The following ARL15 variants were observed in gnomAD, a reference collection of about 807,000 sequenced individuals.
ARL15 encodes ADP-ribosylation factor-like protein 15.
In ARL15, 19 loss-of-function variants were observed where a neutral mutation model predicts 25.2. That is an observed-to-expected ratio of 0.75 (90% CI 0.53 to 1.10). ARL15 has a LOEUF of 1.10. Among genes scored for constraint, ARL15 ranks in the 50% least tolerant of loss-of-function variants. The probability of loss-of-function intolerance (pLI) is 0.00; values close to 1 mark genes in which losing one functional copy is unlikely to be tolerated. For missense variants in ARL15, 220 were observed against 246.0 expected (o/e 0.89, Z 0.71); for synonymous variants, 94 against 86.8 (o/e 1.08, Z -0.46).
intron 1 of ARL15, among the ~76,000 whole-genome samples, chr5:54,305,226 A>T (rs957721948): frequency 6.6e-6 from 1 of 152,180 alleles, no homozygotes; most frequent in Non-Finnish European, 1.5e-5. Context: ...CTGGCAGGGC[A>T]CGGTGGCTCA....
In ARL15 at chr5:54,128,402, A is replaced by G. The variant is rs143160947; in HGVS notation, c.254-14992T>C. On this transcript the variant is annotated intron_variant, in intron 3 of 4. Coordinates refer to ENST00000504924, the MANE Select transcript of ARL15 (RefSeq NM_019087.3). ...ATTTTTCTGGATATTTTAGGTAGCT[A>G]ATATAGGAATCAACATATAATCTTC... 6.7e-3 allele frequency among the ~76,000 whole-genome samples: 1,016 copies of G among 152,292 alleles called. 3 individuals are homozygous for G. The highest frequency in any genetic ancestry group is 0.011 in the Non-Finnish European group (755 of 68,018).
At chr5:54,277,489 T>C (rs1016022534) in intron 1 of ARL15, among the ~76,000 whole-genome samples, 4 of 152,162 alleles carry the variant, frequency 2.6e-5, no homozygotes, top group African/African-American at 7.2e-5. Context: ...TGGTGGCTCA[T>C]GCCTGTAATC....
At chr5:54,163,001 G>T (rs1205621467) in intron 2 of ARL15, among the ~76,000 whole-genome samples, 2 of 152,136 alleles carry the variant, frequency 1.3e-5, no homozygotes, top group Non-Finnish European at 2.9e-5. Context: ...AAACAATTCA[G>T]TCTTTCTCCA....
intron 4 of ARL15, among the ~76,000 whole-genome samples, chr5:53,981,634 T>G (rs1480527513): frequency 6.6e-6 from 1 of 152,130 alleles, no homozygotes; most frequent in Non-Finnish European, 1.5e-5. Flanking sequence ...AGTAGCTCAC[T>G]CCTATAATCC....
chr5:54,193,725 AT>A (rs71600810), intron 1 of ARL15, among the ~76,000 whole-genome samples: 1,458 of 77,454 alleles, frequency 0.019, 6 homozygotes, highest in South Asian at 0.031. Flanking sequence ...TAAAGCCTTC[AT>A]TTTTTTTTTT....
chr5:54,191,223 A>G (rs1441465071), intron 1 of ARL15, among the ~76,000 whole-genome samples: 2 of 152,162 alleles, frequency 1.3e-5, no homozygotes, highest in East Asian at 1.9e-4. Context: ...AAAAAGACAA[A>G]CACAGTTTGA....
chr5:54,193,239 A>C (rs779956999), intron 1 of ARL15, among the ~76,000 whole-genome samples: 6 of 152,100 alleles, frequency 3.9e-5, no homozygotes, highest in Non-Finnish European at 5.9e-5. Flanking sequence ...GCATCATCCA[A>C]TCCATCATCC....
chr5:54,088,233 A>C (rs1342706906), intron 4 of ARL15, among the ~76,000 whole-genome samples: 5 of 152,338 alleles, frequency 3.3e-5, no homozygotes, highest in Admixed American at 1.3e-4. Context: ...GGGAATTGTC[A>C]GGACAAAGAT....
chr5:53,925,919 T>C (rs1215213483), intron 4 of ARL15, among the ~76,000 whole-genome samples: 1 of 152,048 alleles, frequency 6.6e-6, no homozygotes, highest in South Asian at 2.1e-4. Flanking sequence ...ATAGGAGGGA[T>C]TCTCTGACTG....
chr5:54,158,798 G>A (rs192499226), intron 2 of ARL15, among the ~76,000 whole-genome samples: 16 of 152,254 alleles, frequency 1.1e-4, no homozygotes, highest in Admixed American at 3.9e-4. Flanking sequence ...GCTTGAACCC[G>A]GGAGGCAGAG....
chr5:53,944,828 G>A (rs2112096417), intron 4 of ARL15, among the ~76,000 whole-genome samples: 1 of 152,166 alleles, frequency 6.6e-6, no homozygotes, highest in African/African-American at 2.4e-5. Context: ...AAAGTGTCTG[G>A]CACATATAAT....
chr5:53,990,565 C>T (rs559965356), intron 4 of ARL15, among the ~76,000 whole-genome samples: 29 of 152,312 alleles, frequency 1.9e-4, no homozygotes, highest in Admixed American at 5.2e-4. Flanking sequence ...AAGCTTGGTG[C>T]GTTCAAAGAG....
intron 4 of ARL15, among the ~76,000 whole-genome samples, chr5:54,101,230 G>T (rs1350412428): frequency 6.6e-6 from 1 of 151,918 alleles, no homozygotes; most frequent in Non-Finnish European, 1.5e-5. Flanking sequence ...TTAAAAATAT[G>T]ATACAACTTT....
chr5:54,121,507 G>A (rs1475384085), intron 3 of ARL15, among the ~76,000 whole-genome samples: 1 of 152,138 alleles, frequency 6.6e-6, no homozygotes, highest in East Asian at 1.9e-4. Context: ...ATCGAATTAT[G>A]TAATTAGATA....
chr5:54,148,188 G>A (rs1397649535), intron 3 of ARL15, among the ~76,000 whole-genome samples: 1 of 152,172 alleles, frequency 6.6e-6, no homozygotes, highest in East Asian at 1.9e-4. Context: ...TGGGTTGCCT[G>A]TCAAGAAGTG....
At chr5:54,185,649 T>C (rs1359188930) in intron 1 of ARL15, among the ~76,000 whole-genome samples, 4 of 152,180 alleles carry the variant, frequency 2.6e-5, no homozygotes, top group South Asian at 2.1e-4. Flanking sequence ...ACTTCACTGA[T>C]AGCTAATCTA....
At chr5:53,932,332 A>G (rs1374454701) in intron 4 of ARL15, among the ~76,000 whole-genome samples, 1 of 152,188 alleles carries the variant, frequency 6.6e-6, no homozygotes, top group Non-Finnish European at 1.5e-5. Context: ...AATTCCCCCA[A>G]GGGAGTGTAA....
chr5:54,089,308 A>C (rs1046971614), intron 4 of ARL15, among the ~76,000 whole-genome samples: 1 of 152,194 alleles, frequency 6.6e-6, no homozygotes, highest in African/African-American at 2.4e-5. Flanking sequence ...AAGGGTAAAG[A>C]GTTTCAGACA....
chr5:53,933,716 T>C (rs1282321612), intron 4 of ARL15, among the ~76,000 whole-genome samples: 3 of 151,230 alleles, frequency 2.0e-5, no homozygotes, highest in Admixed American at 2.0e-4. Context: ...AAAAAGCTTA[T>C]CTTCAATATT....
Sources: allele counts gnomAD v4.1 joint callset (sites outside exome capture counted in the v4.1 genomes callset), GRCh38; gene constraint gnomAD v4.1.1; transcripts MANE v1.5; gene names NCBI Gene and HGNC (gene_info 2026-07-23, HGNC 2026-07-21).